Variants in SNX32 observed in about 807,000 individuals in gnomAD.
SNX32 encodes the protein sorting nexin-32.
Under a neutral mutation model 57.0 loss-of-function variants are expected in SNX32, and 58 were observed. The ratio of observed to expected loss-of-function variants is 1.02; its 90% CI spans 0.82 to 1.27. The LOEUF (loss-of-function observed/expected upper bound fraction) is 1.27, where lower values mean the gene tolerates loss of function less well. SNX32 is among the 50% of genes most tolerant of loss of function. The pLI is 0.00. For missense variants in SNX32, 589 were observed against 541.2 expected (o/e 1.09, Z -0.88); for synonymous variants, 262 against 220.4 (o/e 1.19, Z -1.67).
rs778130693 is a variant in SNX32 at position 65,852,896 on chromosome 11, C to G, written c.1096C>G (p.Arg366Gly). 6.2e-7 allele frequency: 1 copy of G among 1,614,036 alleles called. No individual in the cohort carries two copies. The highest frequency in any genetic ancestry group is 8.5e-7 in the Non-Finnish European group (1 of 1,180,018). Residue 366 changes from arginine (R) to glycine (G), a missense_variant, in exon 12 of 13, where the codon CGG becomes GGG. Coordinates refer to ENST00000308342, the MANE Select transcript of SNX32 (RefSeq NM_152760.3). ...KQELMDFKSR[R>G]VSSFRKNLIE... ...AGAGCTCATGGACTTCAAGTCCCGC[C>G]GGGTCTCCTCTTTTCGAAAGAATCT...
At chr11:65,849,610 G>C (rs755256787) in intron 2 of SNX32, 28 bp downstream of exon 2, 53 of 1,592,004 alleles carry the variant, frequency 3.3e-5, no homozygotes, top group Non-Finnish European at 4.5e-5. Flanking sequence ...ACGAGGAAAG[G>C]TCCTGGTGGC....
rs1376195730 is a variant in SNX32, at chr11:65,850,822, T to C, written c.570T>C (p.Asp190=). 1.2e-6 allele frequency: 2 copies of C among 1,613,936 alleles called. No homozygotes were observed. Among genetic ancestry groups the C allele is most frequent in the Non-Finnish European group, 1.7e-6 (2 of 1,179,988 alleles). The change falls in exon 6 of 13, where the codon GAT becomes GAC. Residue 190 remains aspartate, a synonymous_variant. Transcript: ENST00000308342. Reference sequence around the variant, plus strand: ...TGAGGAATATTGTGAAGTCCGCGGATGAAGCCCTCATCACGGGCATGTCAG... The same window carrying C: ...TGAGGAATATTGTGAAGTCCGCGGACGAAGCCCTCATCACGGGCATGTCAG... The part of the protein sequence containing the change: ...GFLRNIVKSA[D]EALITGMSGL...
At chr11:65,851,015 G>A (rs2134700029) in intron 6 of SNX32, 40 bp from the exon 7 acceptor site, 1 of 1,572,050 alleles carries the variant, frequency 6.4e-7, no homozygotes, top group East Asian at 2.2e-5. Context: ...CAAGCCCCGT[G>A]GTGACCCAGT....
At chr11:65,840,783 G>A (rs1304292613) in intron 1 of SNX32, among the ~76,000 whole-genome samples, 3 of 145,208 alleles carry the variant, frequency 2.1e-5, no homozygotes, top group Non-Finnish European at 4.5e-5. Flanking sequence ...CATCCTGGAT[G>A]ACAGAGCAAG....
intron 1 of SNX32, among the ~76,000 whole-genome samples, chr11:65,838,205 A>AGAAGGAAG (rs538205923): frequency 2.3e-4 from 34 of 151,100 alleles, no homozygotes; most frequent in Non-Finnish European, 3.2e-4. Context: ...AAGGAAGAAA[A>AGAAGGAAG]GAAGGAAGGA....
intron 1 of SNX32, among the ~76,000 whole-genome samples, chr11:65,834,483 C>A (rs1003957003): frequency 1.5e-5 from 2 of 133,770 alleles, no homozygotes. Context: ...TGCACGTATG[C>A]GTCCATGTGG....
intron 1 of SNX32, among the ~76,000 whole-genome samples, chr11:65,845,662 A>G (rs867102464): frequency 6.6e-6 from 1 of 151,436 alleles, no homozygotes; most frequent in Non-Finnish European, 1.5e-5. Context: ...CGCTTGAACC[A>G]GGAGGCAGAG....
intron 1 of SNX32, among the ~76,000 whole-genome samples, chr11:65,839,698 A>C (rs1858785607): frequency 6.7e-6 from 1 of 148,422 alleles, no homozygotes; most frequent in Non-Finnish European, 1.5e-5. Flanking sequence ...ACACCACTGC[A>C]CTCTAGCCTG....
chr11:65,834,924 G>A (rs879896763), intron 1 of SNX32, among the ~76,000 whole-genome samples: 4 of 150,862 alleles, frequency 2.7e-5, no homozygotes, highest in Non-Finnish European at 4.4e-5. Context: ...GTCTATGTCA[G>A]TGTGTCTGTG....
chr11:65,838,181 AGAAGGAAGGAAGGAAGGAAGAAAAGAAG>A (rs1003660527), intron 1 of SNX32, among the ~76,000 whole-genome samples: 3 of 151,144 alleles, frequency 2.0e-5, no homozygotes, highest in Non-Finnish European at 4.4e-5. Context: ...AAGGAAAGAA[AGAAGGAAGGAAGGAAGGAAGAAAAGAAG>A]GAAGGAAGGA....
Position 65,851,621 on chromosome 11 carries a change from C to A in SNX32, c.786-19C>A, listed in dbSNP as rs1859199807. The A allele has an allele frequency of 6.2e-7, 1 of 1,613,994 alleles. No homozygotes were observed. Among genetic ancestry groups the A allele is most frequent in the Non-Finnish European group, 8.5e-7 (1 of 1,179,918 alleles). ...GTTCCTCAGCCCCCTACCCTAACTC[C>A]CTCCCTACTGCTTCCTAGGAGCTTC... On this transcript the variant is annotated intron_variant, in intron 8 of 12. Transcript: ENST00000308342.
intron 1 of SNX32, among the ~76,000 whole-genome samples, chr11:65,841,242 T>C (rs1320006663): frequency 3.0e-4 from 46 of 151,830 alleles, no homozygotes; most frequent in Non-Finnish European, 2.9e-5. Flanking sequence ...CTTTTTTTTT[T>C]TTTTGAGACA....
chr11:65,850,997 T>G (rs1299279906), intron 6 of SNX32, 58 bp from the exon 7 acceptor site: 1 of 1,538,982 alleles, frequency 6.5e-7, no homozygotes, highest in Non-Finnish European at 9.0e-7. Context: ...CCTGGGTGCC[T>G]GTGTTGTCAA....
chr11:65,844,800 C>T (rs553292374), intron 1 of SNX32, among the ~76,000 whole-genome samples: 25 of 151,748 alleles, frequency 1.6e-4, no homozygotes, highest in African/African-American at 5.3e-4. Flanking sequence ...AACCCCATCT[C>T]TACTAAATTA....
At position 65,850,187 on chromosome 11, in the gene SNX32, C is replaced by T. The variant is rs749832403; in HGVS notation, c.290C>T (p.Ser97Leu). 8 of 1,614,156 alleles carry T rather than the reference C, an allele frequency of 5.0e-6. No homozygotes were observed. Among genetic ancestry groups the T allele is most frequent in the East Asian group, 2.2e-5 (1 of 44,880 alleles). The stretch of plus-strand genomic sequence containing the variant: ...CCTCCGAGGCCAGACTTTGAGGCTT[C>T]GAGGGAAAAGCTACAGAAATTGGGC... ...PAPPRPDFEA[S>L]REKLQKLGEG... The change falls in exon 4 of 13, where the codon TCG becomes TTG. Residue 97 changes from serine (S) to leucine (L), a missense_variant. Ser to Leu is a moderately radical substitution (Grantham distance 145). Coordinates refer to ENST00000308342, the MANE Select transcript of SNX32 (RefSeq NM_152760.3).
At chr11:65,838,041 A>C (rs1858719096) in intron 1 of SNX32, among the ~76,000 whole-genome samples, 3 of 151,824 alleles carry the variant, frequency 2.0e-5, no homozygotes, top group Admixed American at 2.0e-4. Context: ...CTGTAATCCC[A>C]GCTACTCGGG....
intron 1 of SNX32, among the ~76,000 whole-genome samples, chr11:65,839,361 C>G (rs1388711953): frequency 6.9e-6 from 1 of 144,346 alleles, no homozygotes; most frequent in Non-Finnish European, 1.5e-5. Flanking sequence ...TCCCAAGTAG[C>G]TGGGACTACA....
rs115949918 is a variant in SNX32 at position 65,851,416 on chromosome 11, C to T, written c.785+13C>T. ...ACCAGCTAAGGACGTGAGGACTCCCCCCACCCCTACCCTCTCCCTGTGCCT... is the reference window on the plus strand; with the variant it reads ...ACCAGCTAAGGACGTGAGGACTCCCTCCACCCCTACCCTCTCCCTGTGCCT... On this transcript the variant is annotated intron_variant, in intron 8 of 12. Coordinates refer to ENST00000308342, the MANE Select transcript of SNX32 (RefSeq NM_152760.3). 1,200 of 1,613,386 alleles carry T rather than the reference C, an allele frequency of 7.4e-4. 6 individuals carry two copies. The African/African-American group carries it at 0.012, about 16-fold the overall frequency.
intron 1 of SNX32, among the ~76,000 whole-genome samples, chr11:65,839,682 A>G (rs962417570): frequency 2.7e-5 from 4 of 150,884 alleles, no homozygotes; most frequent in Admixed American, 1.3e-4. Flanking sequence ...TTTGTGAACC[A>G]TGATCACACC....
Sources: gnomAD v4.1 joint callset for allele counts (sites outside exome capture counted in the v4.1 genomes callset) on GRCh38, gnomAD v4.1.1 for gene constraint, MANE v1.5 for transcripts, NCBI Gene and HGNC (gene_info 2026-07-23, HGNC 2026-07-21) for gene names.